The following BRIP1 variants were observed in gnomAD, a reference collection of about 807,000 sequenced individuals.
BRIP1 encodes BRCA1 interacting DNA helicase 1.
A neutral mutation model predicts 119.7 loss-of-function variants in BRIP1; 88 were observed. The ratio of observed to expected loss-of-function variants is 0.74; its 90% CI spans 0.62 to 0.88. The LOEUF is 0.88. BRIP1 is among the 40% of genes least tolerant of loss of function. The pLI, the probability that BRIP1 is intolerant of heterozygous loss-of-function variation, is 0.00. For missense variants in BRIP1, 1,259 were observed against 1,455.4 expected (o/e 0.87, Z 2.20); for synonymous variants, 443 against 496.5 (o/e 0.89, Z 1.43).
chr17:61,858,021 T>C (rs1480001784), intron 3 of BRIP1, among the ~76,000 whole-genome samples: 1 of 152,172 alleles, frequency 6.6e-6, no homozygotes, highest in African/African-American at 2.4e-5. Context: ...ACATGTTTTT[T>C]GATGTATTAA....
rs1327075239 is a variant in BRIP1, at chr17:61,708,587, GTTC to G, written c.2492+7361_2492+7363del. On this transcript the variant is annotated intron_variant, in intron 17 of 19. Coordinates refer to ENST00000259008, the MANE Select transcript of BRIP1 (RefSeq NM_032043.3). This position sits in a 1 kb window ranked among gnomAD's most constrained non-coding sequence, Gnocchi z 4.4. ...GTTGTGTTGTTTCTATTTTCTCAGA[GTTC>G]TTCTGCTGTGTTTTTGTTTGCTTTG... Among the ~76,000 whole-genome samples the G allele has an allele frequency of 6.6e-6, 1 of 152,164 alleles. No homozygotes were observed. The highest frequency in any genetic ancestry group is 1.9e-4 in the East Asian group (1 of 5,192).
chr17:61,731,469 T>G (rs2076842010), intron 16 of BRIP1, among the ~76,000 whole-genome samples: 1 of 152,038 alleles, frequency 6.6e-6, no homozygotes, highest in African/African-American at 2.4e-5. Flanking sequence ...GCATACAGAG[T>G]CCTAAGTGAT....
rs2078227799 is a variant in BRIP1, at chr17:61,815,793, T to C, written c.628-7036A>G. ...CACTGCCCTTTATTTCAAAAAGTCA[T>C]GCATATGAAGAGCTAGTGGTAAAAG... On this transcript the variant is annotated intron_variant, in intron 6 of 19. Coordinates refer to ENST00000259008, the MANE Select transcript of BRIP1 (RefSeq NM_032043.3). The surrounding 1 kb of genome is among the most constrained non-coding windows in gnomAD (Gnocchi z 4.1). 6.6e-6 allele frequency among the ~76,000 whole-genome samples: 1 copy of C among 152,168 alleles called. No homozygotes were observed. The highest frequency in any genetic ancestry group is 2.4e-5 in the African/African-American group (1 of 41,450).
At position 61,862,925 on chromosome 17, in the gene BRIP1, A is replaced by G. The variant is rs2078990660; in HGVS notation, c.-31+359T>C. ...GTATGGTGGAATCTAACCTCTTAAT[A>G]TGAATCAACAACTCAACGCTGGCCT... On this transcript the variant is annotated intron_variant, in intron 1 of 19. Coordinates refer to ENST00000259008, the MANE Select transcript of BRIP1 (RefSeq NM_032043.3). This position sits in a 1 kb window ranked among gnomAD's most constrained non-coding sequence, Gnocchi z 5.3. Among the ~76,000 whole-genome samples, 1 of 152,188 alleles carries G rather than the reference A, an allele frequency of 6.6e-6. No individual in the cohort carries two copies.
At position 61,789,163 on chromosome 17, in the gene BRIP1, A is replaced by G. The variant is rs1213934583; in HGVS notation, c.1473+4434T>C. Among the ~76,000 whole-genome samples, 2 of 152,094 alleles carry G rather than the reference A, an allele frequency of 1.3e-5. No homozygotes were observed. The highest frequency in any genetic ancestry group is 2.9e-5 in the Non-Finnish European group (2 of 68,010). The stretch of plus-strand genomic sequence containing the variant: ...ATGCCTGTAGTCCCAGCTACTGAGC[A>G]GGCTATGGCAGGAGGATCCCTTAAG... On this transcript the variant is annotated intron_variant, in intron 10 of 19. Transcript: ENST00000259008. This position sits in a 1 kb window ranked among gnomAD's most constrained non-coding sequence, Gnocchi z 4.8.
At chr17:61,817,962 G>C (rs1048598465) in intron 6 of BRIP1, among the ~76,000 whole-genome samples, 1 of 152,106 alleles carries the variant, frequency 6.6e-6, no homozygotes, top group Admixed American at 6.5e-5. Context: ...TCTAATTTTT[G>C]TCTGAATTCC....
rs768910110 is a variant in BRIP1 at position 61,680,480 on chromosome 17, CTTT to C, written c.*2813_*2815del. On this transcript the variant is annotated 3_prime_UTR_variant, in exon 20 of 20. Transcript: ENST00000259008. ...AGTTTACCAATTCTAAAGGTAATTT[CTTT>C]TTTTTTTTTTTTTTGAGACGGAGTC... Among the ~76,000 whole-genome samples, 33 of 124,064 alleles carry C rather than the reference CTTT, an allele frequency of 2.7e-4. No individual in the cohort carries two copies. Among genetic ancestry groups the C allele is most frequent in the Admixed American group, 7.0e-4 (8 of 11,378 alleles). 81.4% of individuals were successfully genotyped at this position (124,064 alleles called of 152,430 possible). A position where few individuals can be genotyped will look rare whatever the true frequency, so the allele number is the denominator to read the frequency against.
intron 17 of BRIP1, among the ~76,000 whole-genome samples, chr17:61,694,644 G>A (rs563949855): frequency 5.9e-5 from 9 of 151,804 alleles, no homozygotes; most frequent in East Asian, 1.9e-4. Flanking sequence ...CACCACCTAC[G>A]TACAAGGGTT....
rs1289260056 is a variant in BRIP1 at position 61,729,279 on chromosome 17, A to AAAAAC, written c.2380-13221_2380-13217dup. Among the ~76,000 whole-genome samples the AAAAAC allele has an allele frequency of 1.1e-4, 16 of 152,130 alleles. No individual in the cohort carries two copies. The highest frequency in any genetic ancestry group is 2.4e-4 in the African/African-American group (10 of 41,418). ...GGGAAACAAAAGCAAACTCCGTCTC[A>AAAAAC]AAAACAAAACAAAACAAAACAAACA... On this transcript the variant is annotated intron_variant, in intron 16 of 19. Coordinates refer to ENST00000259008, the MANE Select transcript of BRIP1 (RefSeq NM_032043.3). The surrounding 1 kb of genome is among the most constrained non-coding windows in gnomAD (Gnocchi z 5.6).
At chr17:61,817,513 G>A (rs952795588) in intron 6 of BRIP1, among the ~76,000 whole-genome samples, 23 of 152,054 alleles carry the variant, frequency 1.5e-4, no homozygotes, top group Non-Finnish European at 2.9e-4. Context: ...GTGCTTCTAT[G>A]GGCTTTAAAA....
rs561611846 is a variant in BRIP1 at position 61,784,705 on chromosome 17, G to C, written c.1474-281C>G. Among the ~76,000 whole-genome samples the C allele has an allele frequency of 9.2e-5, 14 of 152,226 alleles. No homozygotes were observed. In the South Asian group the frequency reaches 2.5e-3, roughly 27 times the overall value. ...GAGGGGGTGAGTTAGTGCTCTGTTA[G>C]TTCCCACGAGAGCTGGTTGTTAGAA... On this transcript the variant is annotated intron_variant, in intron 10 of 19. Transcript: ENST00000259008.
rs888899730 is a variant in BRIP1 at position 61,722,882 on chromosome 17, A to G, written c.2380-6819T>C. On this transcript the variant is annotated intron_variant, in intron 16 of 19. Transcript: ENST00000259008. This position sits in a 1 kb window ranked among gnomAD's most constrained non-coding sequence, Gnocchi z 4.6. ...TCCAAATGGCCTTTAAAATACTGCC[A>G]ATATTTTACCCAGGGGAATTTATTT... 6.6e-6 allele frequency among the ~76,000 whole-genome samples: 1 copy of G among 152,232 alleles called. No homozygotes were observed. Among genetic ancestry groups the G allele is most frequent in the Non-Finnish European group, 1.5e-5 (1 of 68,034 alleles).
intron 17 of BRIP1, among the ~76,000 whole-genome samples, chr17:61,711,270 A>G (rs1410832485): frequency 1.3e-5 from 2 of 152,158 alleles, no homozygotes; most frequent in Admixed American, 6.5e-5. Flanking sequence ...GGAAGAAAAA[A>G]ATCAACTGAG....
rs150884567 is a variant in BRIP1 at position 61,708,479 on chromosome 17, G to A, written c.2492+7472C>T. Among the ~76,000 whole-genome samples, 69 of 152,308 alleles carry A rather than the reference G, an allele frequency of 4.5e-4. No individual in the cohort carries two copies. Among genetic ancestry groups the A allele is most frequent in the African/African-American group, 1.5e-3 (64 of 41,574 alleles). ...TTTCAGGCATTTAGTGGAGGTTGTG[G>A]AATCTATCTTCTGTGGATAAGGAGA... On this transcript the variant is annotated intron_variant, in intron 17 of 19. Coordinates refer to ENST00000259008, the MANE Select transcript of BRIP1 (RefSeq NM_032043.3). The surrounding 1 kb of genome is among the most constrained non-coding windows in gnomAD (Gnocchi z 4.4).
rs1481376552 is a variant in BRIP1 at position 61,845,258 on chromosome 17, AT to A, written c.627+1842del. On this transcript the variant is annotated intron_variant, in intron 6 of 19. Transcript: ENST00000259008. The surrounding 1 kb of genome is among the most constrained non-coding windows in gnomAD (Gnocchi z 4.2). ...AGATCACCAACAAAACACAAATTAA[AT>A]GTACAGTAACTGAAAACAAATCTGT... 6.6e-6 allele frequency among the ~76,000 whole-genome samples: 1 copy of A among 152,212 alleles called. No individual in the cohort carries two copies. Among genetic ancestry groups the A allele is most frequent in the Non-Finnish European group, 1.5e-5 (1 of 68,036 alleles).
rs886143497 is a variant in BRIP1 at position 61,806,589 on chromosome 17, C to T, written c.918+1878G>A. The stretch of plus-strand genomic sequence containing the variant: ...GAGTAAAGATCAATAAAAACGTAAC[C>T]AGCACTGTAGGATTCTAGGTTACAC... On this transcript the variant is annotated intron_variant, in intron 7 of 19. Coordinates refer to ENST00000259008, the MANE Select transcript of BRIP1 (RefSeq NM_032043.3). The surrounding 1 kb of genome is among the most constrained non-coding windows in gnomAD (Gnocchi z 4.9). Among the ~76,000 whole-genome samples, 1 of 152,092 alleles carries T rather than the reference C, an allele frequency of 6.6e-6. No individual in the cohort carries two copies. The highest frequency in any genetic ancestry group is 1.5e-5 in the Non-Finnish European group (1 of 68,006).
At chr17:61,790,521 G>A (rs1161202577) in intron 10 of BRIP1, among the ~76,000 whole-genome samples, 1 of 152,060 alleles carries the variant, frequency 6.6e-6, no homozygotes, top group Non-Finnish European at 1.5e-5. Flanking sequence ...ACTCCAGTCT[G>A]GGCAACAAGG....
At position 61,810,165 on chromosome 17, in the gene BRIP1, T is replaced by C. The variant is rs952801358; in HGVS notation, c.628-1408A>G. On this transcript the variant is annotated intron_variant, in intron 6 of 19. Transcript: ENST00000259008. This position sits in a 1 kb window ranked among gnomAD's most constrained non-coding sequence, Gnocchi z 4.7. Reference sequence around the variant, plus strand: ...AGTAACAGCAGATTTCATTACAGAGTGCTGCCACATTAAATAGCCAGTTCC... The same window carrying C: ...AGTAACAGCAGATTTCATTACAGAGCGCTGCCACATTAAATAGCCAGTTCC... Among the ~76,000 whole-genome samples, 10 of 152,170 alleles carry C rather than the reference T, an allele frequency of 6.6e-5. No homozygotes were observed. The highest frequency in any genetic ancestry group is 2.4e-4 in the African/African-American group (10 of 41,446).
Position 61,780,139 on chromosome 17 carries a change from G to A in BRIP1, c.1935+122C>T. The A allele has an allele frequency of 9.4e-7, 1 of 1,063,600 alleles. No individual in the cohort carries two copies. The highest frequency in any genetic ancestry group is 1.4e-6 in the Non-Finnish European group (1 of 710,528). The allele number at this position is 1,063,600 out of a possible 1,614,324, so 65.9% of individuals were successfully genotyped here. A position where few individuals can be genotyped will look rare whatever the true frequency, so the allele number is the denominator to read the frequency against. On this transcript the variant is annotated intron_variant, in intron 13 of 19. Transcript: ENST00000259008. The surrounding 1 kb of genome is among the most constrained non-coding windows in gnomAD (Gnocchi z 5.4). ...ACAGATTTTCTTTTATTGTAAAACT[G>A]GAATGTTGAATTTCCTACCAAGATT...
Sources: gnomAD v4.1 joint callset for allele counts (sites outside exome capture counted in the v4.1 genomes callset) on GRCh38, gnomAD v4.1.1 for gene constraint, Gnocchi (gnomAD v3.1) non-coding constraint, MANE v1.5 for transcripts, NCBI Gene and HGNC (gene_info 2026-07-23, HGNC 2026-07-21) for gene names.